Variants in PEPD observed in about 807,000 individuals in gnomAD.
PEPD encodes the protein xaa-Pro dipeptidase.
Under a neutral mutation model 60.7 loss-of-function variants are expected in PEPD, and 53 were observed. The observed-to-expected ratio is 0.87, with a 90% CI of 0.70 to 1.10. PEPD has a LOEUF of 1.10. Among genes scored for constraint, PEPD ranks in the 50% least tolerant of loss-of-function variants. The pLI, the probability that PEPD is intolerant of heterozygous loss-of-function variation, is 0.00. For synonymous variants in PEPD, 267 were observed against 284.1 expected, an observed-to-expected ratio of 0.94 and a Z score of 0.60; for missense variants, 711 against 711.9, an observed-to-expected ratio of 1.00 and a Z score of 0.01.
intron 5 of PEPD, 44 bp from the exon 6 acceptor site, chr19:33,490,101 G>A (rs748772167): frequency 1.7e-5 from 23 of 1,393,712 alleles, no homozygotes; most frequent in South Asian, 4.7e-5. Flanking sequence ...GCCGCATGGC[G>A]CCCCCACAGC....
At chr19:33,468,650 G>A (rs1970064519) in intron 7 of PEPD, among the ~76,000 whole-genome samples, 1 of 152,222 alleles carries the variant, frequency 6.6e-6, no homozygotes, top group East Asian at 1.9e-4. Flanking sequence ...CTGCACAGCT[G>A]GGACAGCCAG....
intron 3 of PEPD, among the ~76,000 whole-genome samples, chr19:33,501,976 G>A (rs537027375): frequency 1.3e-5 from 2 of 152,298 alleles, no homozygotes; most frequent in South Asian, 4.1e-4. Context: ...GACACAGAAT[G>A]GATGAGGTTG....
chr19:33,431,566 C>G (rs1240677475), intron 9 of PEPD, among the ~76,000 whole-genome samples: 1 of 152,212 alleles, frequency 6.6e-6, no homozygotes, highest in African/African-American at 2.4e-5. Flanking sequence ...GGGAAAAATT[C>G]TTCCTGGGAA....
intron 4 of PEPD, among the ~76,000 whole-genome samples, chr19:33,499,120 A>C (rs1335034999): frequency 6.6e-6 from 1 of 152,184 alleles, no homozygotes; most frequent in Non-Finnish European, 1.5e-5. Context: ...TCTCATTGGG[A>C]GCATGCAAAT....
At chr19:33,409,195 C>T (rs1427815131) in intron 11 of PEPD, among the ~76,000 whole-genome samples, 1 of 152,232 alleles carries the variant, frequency 6.6e-6, no homozygotes, top group Admixed American at 6.5e-5. Context: ...CTGGGGTGTG[C>T]TGAGCCCACA....
intron 11 of PEPD, among the ~76,000 whole-genome samples, chr19:33,407,542 C>G (rs1441330829): frequency 6.6e-6 from 1 of 152,216 alleles, no homozygotes; most frequent in Admixed American, 6.5e-5. Context: ...GGGCCTCCCA[C>G]TTAGGAATGG....
chr19:33,492,953 T>C (rs1395203157), intron 5 of PEPD, among the ~76,000 whole-genome samples: 1 of 152,198 alleles, frequency 6.6e-6, no homozygotes, highest in African/African-American at 2.4e-5. Flanking sequence ...CATACCTCAC[T>C]GCAGCCTCAA....
rs551446087 is a variant in PEPD at position 33,461,714 on chromosome 19, C to T, written c.671+1281G>A. Among the ~76,000 whole-genome samples the T allele has an allele frequency of 2.6e-5, 4 of 152,362 alleles. No individual in the cohort carries two copies. The South Asian group carries it at 8.3e-4, about 32-fold the overall frequency. On this transcript the variant is annotated intron_variant, in intron 9 of 14. Transcript: ENST00000244137. ...CTGGAGGAGCCCCACAACACACTTC[C>T]CATCCCAGATCCTCGGAGCGGGCAG... is the stretch of plus-strand genomic sequence containing the variant.
chr19:33,487,062 C>G (rs904041519), intron 6 of PEPD: 1 of 152,292 alleles, frequency 6.6e-6, no homozygotes, highest in Admixed American at 6.5e-5. Flanking sequence ...GAGAGGAGGA[C>G]GACAGCAAGA....
In PEPD at chr19:33,401,753, C is replaced by T. The variant is rs1452122440; in HGVS notation, c.935G>A (p.Ser312Asn). 6.2e-7 allele frequency: 1 copy of T among 1,609,326 alleles called. No homozygotes were observed. The highest frequency in any genetic ancestry group is 8.5e-7 in the Non-Finnish European group (1 of 1,178,274). The stretch of plus-strand genomic sequence containing the variant: ...CATGGCACCCATGACGGCACGGGAG[C>T]TCCGCAGCACTGCCTCATAGACGGC... Reference protein sequence around the residue: ...QKAVYEAVLRSSRAVMGAMKP... With the variant: ...QKAVYEAVLRNSRAVMGAMKP... The change falls in exon 12 of 15, where the codon AGC becomes AAC. Residue 312 changes from serine to asparagine, a missense_variant. Physicochemically the swap from Ser to Asn is conservative, Grantham distance 46. Transcript: ENST00000244137.
chr19:33,504,526 G>A (rs1600169360), intron 3 of PEPD, among the ~76,000 whole-genome samples: 1 of 152,218 alleles, frequency 6.6e-6, no homozygotes, highest in African/African-American at 2.4e-5. Flanking sequence ...CACTTTGGAA[G>A]GCCAAGGTGG....
intron 10 of PEPD, 23 bp from the exon 11 acceptor site, chr19:33,411,772 G>C: frequency 6.8e-7 from 1 of 1,479,040 alleles, no homozygotes. Flanking sequence ...GGGGGAGGGT[G>C]ATCAAAGCCC....
rs73926505 is a variant in PEPD, at chr19:33,457,213, C to A, written c.671+5782G>T. Among the ~76,000 whole-genome samples, 790 of 152,052 alleles carry A rather than the reference C, an allele frequency of 5.2e-3. 5 individuals carry two copies. The highest frequency in any genetic ancestry group is 0.018 in the African/African-American group (749 of 41,440). On this transcript the variant is annotated intron_variant, in intron 9 of 14. Transcript: ENST00000244137. ...GTGGGAGACCAAGGCAGCAGGAATG[C>A]TAGAGCTCTGGAGTTCTAGACCAGC... is the stretch of plus-strand genomic sequence containing the variant.
At chr19:33,519,038 A>T (rs1225000017) in intron 1 of PEPD, among the ~76,000 whole-genome samples, 1 of 152,188 alleles carries the variant, frequency 6.6e-6, no homozygotes, top group Non-Finnish European at 1.5e-5. Context: ...GAGCAGATGC[A>T]GACAGGTCTG....
chr19:33,416,798 G>C (rs1026245219), intron 9 of PEPD, among the ~76,000 whole-genome samples: 6 of 152,248 alleles, frequency 3.9e-5, no homozygotes, highest in Non-Finnish European at 8.8e-5. Flanking sequence ...ATAAGTGAGA[G>C]AGCCCTTAAG....
intron 5 of PEPD, among the ~76,000 whole-genome samples, chr19:33,492,244 AC>A (rs1025306794): frequency 3.3e-5 from 5 of 150,888 alleles, no homozygotes; most frequent in African/African-American, 1.2e-4. Flanking sequence ...CCCACCTCGC[AC>A]CCCCCACCCT....
chr19:33,455,935 A>C (rs527307013), intron 9 of PEPD, among the ~76,000 whole-genome samples: 2 of 152,162 alleles, frequency 1.3e-5, no homozygotes, highest in Non-Finnish European at 2.9e-5. Flanking sequence ...CAGCATTTGA[A>C]AAGACAATGC....
chr19:33,498,617 G>C (rs566968921), intron 4 of PEPD, among the ~76,000 whole-genome samples: 1 of 152,162 alleles, frequency 6.6e-6, no homozygotes, highest in Non-Finnish European at 1.5e-5. Context: ...CCTGGAGGCA[G>C]GTGCCCATCC....
At chr19:33,485,051 C>T (rs1315286000) in intron 6 of PEPD, among the ~76,000 whole-genome samples, 1 of 152,176 alleles carries the variant, frequency 6.6e-6, no homozygotes, top group Non-Finnish European at 1.5e-5. Flanking sequence ...GGGCCAAAGC[C>T]CCTGTCCCAG....
Sources: allele counts gnomAD v4.1 joint callset (sites outside exome capture counted in the v4.1 genomes callset), GRCh38; gene constraint gnomAD v4.1.1; transcripts MANE v1.5; gene names NCBI Gene and HGNC (gene_info 2026-07-23, HGNC 2026-07-21).